HECW1: variants seen among roughly 807,000 people sequenced by gnomAD.
HECW1 encodes the protein E3 ubiquitin-protein ligase HECW1.
Under a neutral mutation model 182.3 loss-of-function variants are expected in HECW1, and 61 were observed. The ratio of observed to expected loss-of-function variants is 0.33; its 90% confidence interval spans 0.27 to 0.41. The LOEUF is 0.41. Ranked by LOEUF, HECW1 falls within the 10% of genes least tolerant of loss-of-function variation. The pLI is 1.00. For missense variants in HECW1, 1,739 were observed against 2,108.9 expected (o/e 0.82, Z 3.44); for synonymous variants, 859 against 832.6 (o/e 1.03, Z -0.55).
chr7:43,558,429 T>C (rs1017436564), intron 29 of HECW1, among the ~76,000 whole-genome samples: 2 of 152,068 alleles, frequency 1.3e-5, no homozygotes, highest in African/African-American at 4.8e-5. Flanking sequence ...GGAGGCCTGG[T>C]TAAGTTAGTA....
chr7:43,466,678 A>G (rs2077794162), intron 15 of HECW1, 110 bp downstream of exon 15: 1 of 1,289,278 alleles, frequency 7.8e-7, no homozygotes, highest in Non-Finnish European at 1.1e-6. Flanking sequence ...CATAAGCAAG[A>G]AAAAACAAAG....
At chr7:43,362,340 C>G (rs556029589) in intron 6 of HECW1, among the ~76,000 whole-genome samples, 2 of 152,260 alleles carry the variant, frequency 1.3e-5, no homozygotes, top group Admixed American at 6.5e-5. Flanking sequence ...CCTCCATCCT[C>G]GGCAGGACTG....
chr7:43,328,687 C>T (rs1294317633), intron 5 of HECW1, among the ~76,000 whole-genome samples: 3 of 152,242 alleles, frequency 2.0e-5, no homozygotes, highest in East Asian at 1.9e-4. Context: ...CATGACTGAG[C>T]GTTATTACAG....
intron 3 of HECW1, among the ~76,000 whole-genome samples, chr7:43,255,053 A>G (rs1291166664): frequency 2.0e-5 from 3 of 152,236 alleles, no homozygotes; most frequent in African/African-American, 4.8e-5. Flanking sequence ...AAGAGGAAAC[A>G]CAATGCCCTA....
chr7:43,410,024 C>A lies in HECW1; in HGVS notation c.801+2293C>A, dbSNP rs568193387. Reference sequence around the variant, plus strand: ...CCAGGCGGTGCCGCTGCTGAGTGAGCCCCCAGGGATCCCAGCTCTCCGGGC... The same window carrying A: ...CCAGGCGGTGCCGCTGCTGAGTGAGACCCCAGGGATCCCAGCTCTCCGGGC... On this transcript the variant is annotated intron_variant, in intron 8 of 29. Coordinates refer to ENST00000395891, the MANE Select transcript of HECW1 (RefSeq NM_015052.5). Among the ~76,000 whole-genome samples the A allele has an allele frequency of 3.9e-5, 6 of 152,288 alleles. No individual in the cohort carries two copies. The East Asian group carries it at 9.7e-4, about 25-fold the overall frequency.
At chr7:43,561,766 G>C in intron 29 of HECW1, 49 bp from the exon 30 acceptor site, 1 of 1,266,182 alleles carries the variant, frequency 7.9e-7, no homozygotes, top group East Asian at 2.3e-5. Flanking sequence ...TCCAGAACCA[G>C]TTGTATCATT....
At chr7:43,252,746 A>G (rs1292763508) in intron 3 of HECW1, among the ~76,000 whole-genome samples, 1 of 152,254 alleles carries the variant, frequency 6.6e-6, no homozygotes, top group Non-Finnish European at 1.5e-5. Context: ...GCCAGACTAT[A>G]AAAGATCCTT....
rs376583479 is a variant in HECW1, at chr7:43,554,388, A to G, written c.4511-204A>G. On this transcript the variant is annotated intron_variant, in intron 28 of 29. Transcript: ENST00000395891. ...CATAAAGTCCTTTTATAAAATGACT[A>G]TTTTCTAAATCTGCTCTTGTTCTAA... 1.2e-4 allele frequency among the ~76,000 whole-genome samples: 18 copies of G among 152,210 alleles called. 1 individual carries two copies. Among genetic ancestry groups the G allele is most frequent in the Admixed American group, 6.5e-4 (10 of 15,278 alleles).
chr7:43,513,408 C>T (rs927939072), intron 24 of HECW1, among the ~76,000 whole-genome samples: 1 of 152,200 alleles, frequency 6.6e-6, no homozygotes, highest in African/African-American at 2.4e-5. Context: ...CCAAAGACAT[C>T]AATGGAGAAA....
intron 2 of HECW1, among the ~76,000 whole-genome samples, chr7:43,220,740 G>A (rs1192391090): frequency 6.6e-6 from 1 of 152,186 alleles, no homozygotes; most frequent in Non-Finnish European, 1.5e-5. Flanking sequence ...ACGTGTTGGT[G>A]CCTGGGCCTG....
chr7:43,324,419 A>G (rs1341454532), intron 5 of HECW1, among the ~76,000 whole-genome samples: 2 of 152,254 alleles, frequency 1.3e-5, no homozygotes, highest in Admixed American at 6.5e-5. Context: ...AAGATGCTAT[A>G]TAAATTTACA....
chr7:43,486,560 C>A (rs1002640976), intron 17 of HECW1, among the ~76,000 whole-genome samples: 2 of 152,344 alleles, frequency 1.3e-5, no homozygotes, highest in Admixed American at 6.5e-5. Flanking sequence ...CTCGGCCTCC[C>A]AAAGTGCTGG....
At chr7:43,526,478 G>A (rs1324512305) in intron 24 of HECW1, among the ~76,000 whole-genome samples, 1 of 152,104 alleles carries the variant, frequency 6.6e-6, no homozygotes, top group African/African-American at 2.4e-5. Flanking sequence ...AACATTGTTT[G>A]GTTTAGCCCA....
chr7:43,456,584 TC>T (rs1490532391), intron 13 of HECW1, 137 bp downstream of exon 13: 13 of 761,880 alleles, frequency 1.7e-5, no homozygotes, highest in Non-Finnish European at 2.5e-5. Flanking sequence ...AGAAACCTGT[TC>T]CTAGTAGGTA....
intron 2 of HECW1, among the ~76,000 whole-genome samples, chr7:43,221,875 A>G (rs1797013436): frequency 6.6e-6 from 1 of 152,076 alleles, no homozygotes; most frequent in East Asian, 1.9e-4. Context: ...AGCTGATTGC[A>G]TTTTATCATC....
intron 29 of HECW1, among the ~76,000 whole-genome samples, chr7:43,561,061 A>G (rs962941766): frequency 5.9e-5 from 9 of 152,244 alleles, no homozygotes; most frequent in South Asian, 2.1e-4. Context: ...CAGGGAATCT[A>G]TGTGTGCTGG....
At chr7:43,325,124 A>G (rs1242147200) in intron 5 of HECW1, among the ~76,000 whole-genome samples, 1 of 152,212 alleles carries the variant, frequency 6.6e-6, no homozygotes, top group Non-Finnish European at 1.5e-5. Flanking sequence ...AGCCTGAATC[A>G]TTTCTTATTC....
intron 24 of HECW1, among the ~76,000 whole-genome samples, chr7:43,512,686 A>C (rs1424769193): frequency 6.6e-6 from 1 of 152,222 alleles, no homozygotes; most frequent in African/African-American, 2.4e-5. Flanking sequence ...ACATACACAC[A>C]TTTAATACCG....
intron 8 of HECW1, among the ~76,000 whole-genome samples, chr7:43,411,172 T>C (rs765691342): frequency 6.6e-6 from 1 of 152,074 alleles, no homozygotes; most frequent in East Asian, 1.9e-4. Context: ...ATTTTATAAA[T>C]TTGTATATAA....
Sources: allele counts gnomAD v4.1 joint callset (sites outside exome capture counted in the v4.1 genomes callset), GRCh38; gene constraint gnomAD v4.1.1; transcripts MANE v1.5; gene names NCBI Gene and HGNC (gene_info 2026-07-23, HGNC 2026-07-21).